The following LDLRAD4 variants were observed in gnomAD, a reference collection of about 807,000 sequenced individuals.
The protein encoded by LDLRAD4 is low density lipoprotein receptor class A domain containing 4, also known as low-density lipoprotein receptor class A domain-containing protein 4.
In LDLRAD4, 5 loss-of-function variants were observed where a neutral mutation model predicts 17.0. The observed-to-expected ratio is 0.29, with a 90% CI of 0.15 to 0.62. The LOEUF is 0.62. Ranked by LOEUF, LDLRAD4 falls within the 20% of genes least tolerant of loss-of-function variation. The pLI is 0.84. For synonymous variants in LDLRAD4, 168 were observed against 171.8 expected, an observed-to-expected ratio of 0.98 and a Z score of 0.17; for missense variants, 340 against 424.7, an observed-to-expected ratio of 0.80 and a Z score of 1.75.
chr18:13,356,672 C>T (rs140224572), intron 1 of LDLRAD4, among the ~76,000 whole-genome samples: 14 of 152,250 alleles, frequency 9.2e-5, no homozygotes, highest in East Asian at 5.8e-4. Context: ...AGAAATTTGC[C>T]GCCCCAGGAA....
At chr18:13,358,466 A>G (rs1046703181) in intron 1 of LDLRAD4, among the ~76,000 whole-genome samples, 7 of 152,182 alleles carry the variant, frequency 4.6e-5, no homozygotes, top group Admixed American at 4.6e-4. Flanking sequence ...CCTTCCATCT[A>G]CACTGAGAAT....
chr18:13,361,523 C>T (rs1473517171), intron 1 of LDLRAD4, among the ~76,000 whole-genome samples: 2 of 152,188 alleles, frequency 1.3e-5, no homozygotes, highest in Non-Finnish European at 2.9e-5. Flanking sequence ...CCAATTTCAC[C>T]ATGGCCTTAA....
chr18:13,456,445 G>A lies in LDLRAD4; in HGVS notation c.181+18061G>A, dbSNP rs574013880. ...GTCACGCTATCCAGGCCCTCTCCAC[G>A]CCTCAGTGGCCAGTTGCCTTTCCTT... On this transcript the variant is annotated intron_variant, in intron 3 of 5. Coordinates refer to ENST00000359446, the Ensembl canonical transcript of LDLRAD4. 8.5e-5 allele frequency among the ~76,000 whole-genome samples: 13 copies of A among 152,294 alleles called. No homozygotes were observed. In the East Asian group the frequency reaches 2.1e-3, roughly 25 times the overall value.
chr18:13,567,962 CA>C lies in LDLRAD4; in HGVS notation c.182-53153del, dbSNP rs2094629623. Among the ~76,000 whole-genome samples, 3 of 151,538 alleles carry C rather than the reference CA, an allele frequency of 2.0e-5. No individual in the cohort carries two copies. In the South Asian group the frequency reaches 6.3e-4, roughly 32 times the overall value. On this transcript the variant is annotated intron_variant, in intron 3 of 5. Transcript: ENST00000359446. Reference sequence around the variant, plus strand: ...CACAGACATCTGGTCATCGTGCCTTCAACCCACAAGCAGTTATTGCCTCACA... The same window carrying C: ...CACAGACATCTGGTCATCGTGCCTTCACCCACAAGCAGTTATTGCCTCACA...
Position 13,511,717 on chromosome 18 carries a change from C to CAA in LDLRAD4, c.181+73333_181+73334insAA, listed in dbSNP as rs1568279159. On this transcript the variant is annotated intron_variant, in intron 3 of 5. Transcript: ENST00000359446. ...GTTTCTGGCCCCTCAGTAGGAAAGG[C>CAA]GGGGACATGGGTACAGGTGCCGGAA... Among the ~76,000 whole-genome samples, 9 of 152,226 alleles carry CAA rather than the reference C, an allele frequency of 5.9e-5. No homozygotes were observed. In the South Asian group the frequency reaches 8.3e-4, roughly 14 times the overall value.
At chr18:13,303,946 T>C (rs2046757915) in intron 1 of LDLRAD4, among the ~76,000 whole-genome samples, 1 of 152,224 alleles carries the variant, frequency 6.6e-6, no homozygotes, top group South Asian at 2.1e-4. Flanking sequence ...CTGCAAACTA[T>C]GGCCTGAAGT....
At chr18:13,536,565 C>T (rs1285996163) in intron 3 of LDLRAD4, among the ~76,000 whole-genome samples, 3 of 151,640 alleles carry the variant, frequency 2.0e-5, no homozygotes, top group East Asian at 1.9e-4. Flanking sequence ...TGAACAGAGA[C>T]GCTGTTTTAC....
intron 1 of LDLRAD4, among the ~76,000 whole-genome samples, chr18:13,244,363 C>T (rs1190120208): frequency 6.6e-6 from 1 of 151,980 alleles, no homozygotes; most frequent in African/African-American, 2.4e-5. Context: ...ATCCATTCAT[C>T]CACCCATCTG....
intron 3 of LDLRAD4, among the ~76,000 whole-genome samples, chr18:13,504,987 A>G (rs879516879): frequency 1.4e-4 from 21 of 152,186 alleles, no homozygotes; most frequent in Admixed American, 5.2e-4. Context: ...GGAATCCAGC[A>G]CTGCCATGAG....
At chr18:13,269,695 A>G (rs1481202978) in intron 1 of LDLRAD4, among the ~76,000 whole-genome samples, 1 of 152,078 alleles carries the variant, frequency 6.6e-6, no homozygotes, top group African/African-American at 2.4e-5. Flanking sequence ...AGTCAGTCTG[A>G]GTCGGCAGTG....
At chr18:13,590,680 GAGACCCAAGGA>G (rs2095012813) in intron 3 of LDLRAD4, among the ~76,000 whole-genome samples, 1 of 152,130 alleles carries the variant, frequency 6.6e-6, no homozygotes, top group Non-Finnish European at 1.5e-5. Context: ...GATTAGCCTC[GAGACCCAAGGA>G]GCTCCCTGCC....
At chr18:13,630,572 G>C (rs752817589) in intron 4 of LDLRAD4, among the ~76,000 whole-genome samples, 34 of 152,156 alleles carry the variant, frequency 2.2e-4, no homozygotes, top group Non-Finnish European at 4.0e-4. Flanking sequence ...TTCACTGGGA[G>C]GTTAGCCCTT....
At chr18:13,649,347 C>G (rs2043146693) in exon 6 of LDLRAD4, 1 of 152,248 alleles carries the variant, frequency 6.6e-6, no homozygotes, top group African/African-American at 2.4e-5. Context: ...AAGAATCCAT[C>G]CAAATCCCTG....
intron 1 of LDLRAD4, among the ~76,000 whole-genome samples, chr18:13,370,715 T>TTTTTTTTTTTTATG (rs2084417560): frequency 8.3e-6 from 1 of 121,000 alleles, no homozygotes; most frequent in Admixed American, 8.5e-5. Context: ...TTTGTTTTGT[T>TTTTTTTTTTTTATG]TTTTTTTTTT....
chr18:13,416,539 C>T (rs1600104890), intron 2 of LDLRAD4, among the ~76,000 whole-genome samples: 1 of 152,146 alleles, frequency 6.6e-6, no homozygotes, highest in African/African-American at 2.4e-5. Context: ...AGAGAACCAC[C>T]GTTTGAATTA....
intron 1 of LDLRAD4, among the ~76,000 whole-genome samples, chr18:13,290,127 T>C (rs1039984791): frequency 6.6e-6 from 1 of 152,158 alleles, no homozygotes; most frequent in Admixed American, 6.5e-5. Context: ...AGTTGGTGCC[T>C]CCCCTTTGCT....
intron 1 of LDLRAD4, chr18:13,239,650 A>G (rs1389534280): frequency 6.6e-6 from 1 of 152,280 alleles, no homozygotes; most frequent in Non-Finnish European, 1.5e-5. Flanking sequence ...AGCTGCGCTC[A>G]TTCACTCACT....
intron 2 of LDLRAD4, among the ~76,000 whole-genome samples, chr18:13,433,798 G>T (rs1250069531): frequency 6.6e-6 from 1 of 151,986 alleles, no homozygotes; most frequent in African/African-American, 2.4e-5. Context: ...TTTTTCAAAG[G>T]TTATAAAATA....
intron 3 of LDLRAD4, among the ~76,000 whole-genome samples, chr18:13,517,744 T>G (rs889096229): frequency 3.3e-5 from 5 of 151,354 alleles, no homozygotes; most frequent in African/African-American, 1.2e-4. Flanking sequence ...TTTCTTTTTT[T>G]TTGTTTGTTT....
Sources: gnomAD v4.1 joint callset for allele counts (sites outside exome capture counted in the v4.1 genomes callset) on GRCh38, gnomAD v4.1.1 for gene constraint, MANE v1.5 for transcripts, NCBI Gene and HGNC (gene_info 2026-07-23, HGNC 2026-07-21) for gene names.